The following NT5C2 variants were observed in gnomAD, a reference collection of about 807,000 sequenced individuals.
The protein encoded by NT5C2 is 5'-nucleotidase, cytosolic II.
Under a neutral mutation model 76.1 loss-of-function variants are expected in NT5C2, and 58 were observed. The ratio of observed to expected loss-of-function variants is 0.76; its 90% CI spans 0.62 to 0.95. The LOEUF is 0.95. Ranked by LOEUF, NT5C2 falls within the 40% of genes least tolerant of loss-of-function variation. The pLI, the probability that NT5C2 is intolerant of heterozygous loss-of-function variation, is 0.00. For missense variants in NT5C2, 478 were observed against 690.3 expected (o/e 0.69, Z 3.45); for synonymous variants, 229 against 237.4 (o/e 0.96, Z 0.32).
At chr10:103,144,885 A>G (rs1037257438) in intron 3 of NT5C2, among the ~76,000 whole-genome samples, 1 of 152,228 alleles carries the variant, frequency 6.6e-6, no homozygotes, top group Non-Finnish European at 1.5e-5. Context: ...TTCATTCAAA[A>G]TAAGTGCTCT....
At chr10:103,135,259 T>A (rs2136178215) in intron 4 of NT5C2, among the ~76,000 whole-genome samples, 1 of 152,276 alleles carries the variant, frequency 6.6e-6, no homozygotes, top group South Asian at 2.1e-4. Flanking sequence ...AATTCCCACA[T>A]GGTGTAGGAG....
chr10:103,139,461 A>G lies in NT5C2; in HGVS notation c.120T>C (p.Ser40=). The G allele has an allele frequency of 6.3e-7, 1 of 1,576,924 alleles. No homozygotes were observed. The highest frequency in any genetic ancestry group is 8.6e-7 in the Non-Finnish European group (1 of 1,157,674). ...AACACTTTATCTTTTCCATTGCTAAACTTCGGTTCACAAACACCCTATAGA... is the reference window on the plus strand; with the variant it reads ...AACACTTTATCTTTTCCATTGCTAAGCTTCGGTTCACAAACACCCTATAGA... ...EAYHRVFVNR[S]LAMEKIKCFG... The change falls in exon 4 of 19, where the codon AGT becomes AGC. Residue 40 remains serine, a synonymous_variant. Transcript: ENST00000404739.
chr10:103,173,957 G>A (rs564925663), intron 3 of NT5C2, among the ~76,000 whole-genome samples: 1 of 151,660 alleles, frequency 6.6e-6, no homozygotes, highest in African/African-American at 2.4e-5. Flanking sequence ...TTAGCCAGCC[G>A]TGGTGACGCA....
intron 3 of NT5C2, chr10:103,153,924 C>T (rs1195365410): frequency 2.9e-6 from 1 of 340,544 alleles, no homozygotes; most frequent in Non-Finnish European, 4.2e-6. Flanking sequence ...ACTTCATTAA[C>T]TGCTTTTAAA....
intron 3 of NT5C2, among the ~76,000 whole-genome samples, chr10:103,149,747 A>G (rs2082085559): frequency 6.6e-6 from 1 of 152,166 alleles, no homozygotes; most frequent in African/African-American, 2.4e-5. Flanking sequence ...AGTCCAAATT[A>G]ACAAGTATAC....
chr10:103,129,432 G>A (rs1591222902), intron 4 of NT5C2, among the ~76,000 whole-genome samples: 1 of 105,084 alleles, frequency 9.5e-6, no homozygotes, highest in Admixed American at 8.6e-5. Context: ...TGGGAAGTGA[G>A]GAGCCCCTCA....
At chr10:103,178,954 C>CTTTTCTTT (rs1554837838) in intron 2 of NT5C2, among the ~76,000 whole-genome samples, 8 of 128,482 alleles carry the variant, frequency 6.2e-5, no homozygotes, top group Middle Eastern at 3.7e-3. Context: ...TTCTTTTTTT[C>CTTTTCTTT]TTTTTTTTTT....
intron 15 of NT5C2, among the ~76,000 whole-genome samples, 169 bp downstream of exon 15, chr10:103,092,970 G>C (rs1376192775): frequency 6.6e-6 from 1 of 152,196 alleles, no homozygotes; most frequent in Non-Finnish European, 1.5e-5. Flanking sequence ...AAATTCTGGA[G>C]TTCTGTGAAA....
At chr10:103,166,926 T>G (rs1173185291) in intron 3 of NT5C2, among the ~76,000 whole-genome samples, 1 of 152,148 alleles carries the variant, frequency 6.6e-6, no homozygotes, top group East Asian at 1.9e-4. Context: ...GTGCTAGTAT[T>G]ATAGGTGTAA....
At chr10:103,091,661 G>A (rs1264344355) in intron 15 of NT5C2, 46 bp from the exon 16 acceptor site, 3 of 1,508,882 alleles carry the variant, frequency 2.0e-6, no homozygotes, top group South Asian at 1.1e-5. Context: ...AAATAAATAA[G>A]CACCTAGTTC....
intron 3 of NT5C2, among the ~76,000 whole-genome samples, chr10:103,143,116 A>G (rs540456617): frequency 6.6e-6 from 1 of 152,310 alleles, no homozygotes; most frequent in South Asian, 2.1e-4. Context: ...TTAAAACTGC[A>G]TGGCTTCTCC....
chr10:103,144,645 T>C (rs2081165881), intron 3 of NT5C2, among the ~76,000 whole-genome samples: 1 of 152,220 alleles, frequency 6.6e-6, no homozygotes, highest in African/African-American at 2.4e-5. Context: ...AAAATAATCA[T>C]TGCTACATAT....
At chr10:103,182,488 A>G (rs1013753681) in intron 1 of NT5C2, among the ~76,000 whole-genome samples, 6 of 152,030 alleles carry the variant, frequency 3.9e-5, no homozygotes, top group African/African-American at 1.5e-4. Context: ...TATAAAAAGT[A>G]GCCAGGCGTG....
chr10:103,118,282 C>T (rs767803873), intron 4 of NT5C2, among the ~76,000 whole-genome samples: 4 of 151,772 alleles, frequency 2.6e-5, no homozygotes, highest in African/African-American at 7.3e-5. Context: ...CACCATAGGC[C>T]TTGTCAAGTT....
chr10:103,112,767 G>A (rs992822810), intron 4 of NT5C2, among the ~76,000 whole-genome samples: 1 of 152,150 alleles, frequency 6.6e-6, no homozygotes. Flanking sequence ...CCCAAGAATA[G>A]TCATTTGCTT....
intron 2 of NT5C2, among the ~76,000 whole-genome samples, chr10:103,179,299 A>C (rs1217760141): frequency 6.6e-6 from 1 of 152,024 alleles, no homozygotes; most frequent in African/African-American, 2.4e-5. Context: ...GACTCGCCCT[A>C]AATTCTTTAT....
intron 1 of NT5C2, among the ~76,000 whole-genome samples, chr10:103,184,279 A>G (rs1400856869): frequency 6.6e-6 from 1 of 152,014 alleles, no homozygotes; most frequent in Non-Finnish European, 1.5e-5. Flanking sequence ...TTTTCATTTC[A>G]TTATTTTCAT....
At chr10:103,094,563 A>G in intron 12 of NT5C2, 108 bp from the exon 13 acceptor site, 1 of 675,094 alleles carries the variant, frequency 1.5e-6, no homozygotes, top group South Asian at 1.7e-5. Flanking sequence ...GTATAGCCAG[A>G]AGATCCCACT....
At chr10:103,132,742 G>C (rs1434296374) in intron 4 of NT5C2, among the ~76,000 whole-genome samples, 1 of 152,090 alleles carries the variant, frequency 6.6e-6, no homozygotes, top group East Asian at 1.9e-4. Context: ...AGTAGAGACA[G>C]GGTTTCACTG....
Sources: allele counts gnomAD v4.1 joint callset (sites outside exome capture counted in the v4.1 genomes callset), GRCh38; gene constraint gnomAD v4.1.1; transcripts MANE v1.5; gene names NCBI Gene and HGNC (gene_info 2026-07-23, HGNC 2026-07-21).